Variants in TMEM135 observed in about 807,000 individuals in gnomAD.
TMEM135 encodes transmembrane protein 135, also known as peroxisomal membrane protein 52.
In TMEM135, 30 loss-of-function variants were observed where a neutral mutation model predicts 60.3. The ratio of observed to expected loss-of-function variants is 0.50; its 90% CI spans 0.37 to 0.68. The LOEUF (loss-of-function observed/expected upper bound fraction) is 0.68. TMEM135 is among the 30% of genes least tolerant of loss of function. The pLI, the probability that TMEM135 is intolerant of heterozygous loss-of-function variation, is 0.00. For missense variants in TMEM135, 468 were observed against 548.8 expected (o/e 0.85, Z 1.47); for synonymous variants, 190 against 186.7 (o/e 1.02, Z -0.14).
chr11:87,238,403 CAT>C lies in TMEM135; in HGVS notation c.509+1721_509+1722del, dbSNP rs1432175467. ...ACAGCCAGGCTTTTAGAAGGGGAAA[CAT>C]AGATGACGAGTCAAGGTAGGGAGGA... On this transcript the variant is annotated intron_variant, in intron 6 of 14. Coordinates refer to ENST00000305494, the MANE Select transcript of TMEM135 (RefSeq NM_022918.4). Among the ~76,000 whole-genome samples, 9 of 152,092 alleles carry C rather than the reference CAT, an allele frequency of 5.9e-5. No individual in the cohort carries two copies. The East Asian group carries it at 1.7e-3, about 29-fold the overall frequency.
intron 1 of TMEM135, among the ~76,000 whole-genome samples, chr11:87,054,882 TG>T (rs981478578): frequency 9.9e-5 from 15 of 152,278 alleles, no homozygotes; most frequent in African/African-American, 3.6e-4. Context: ...TGTGTGCCCC[TG>T]GCTGCATTTG....
At chr11:87,232,240 C>G (rs183295945) in intron 5 of TMEM135, among the ~76,000 whole-genome samples, 3 of 151,702 alleles carry the variant, frequency 2.0e-5, no homozygotes, top group African/African-American at 7.3e-5. Flanking sequence ...GATGAGCCAT[C>G]GCGCCTGGCC....
At chr11:87,147,159 T>TA (rs544574324) in intron 4 of TMEM135, among the ~76,000 whole-genome samples, 150 of 152,140 alleles carry the variant, frequency 9.9e-4, no homozygotes, top group Admixed American at 2.7e-3. Flanking sequence ...CCGTCTCTAC[T>TA]AAAAAATGCA....
At chr11:87,227,439 G>C (rs534003848) in intron 5 of TMEM135, among the ~76,000 whole-genome samples, 1 of 151,792 alleles carries the variant, frequency 6.6e-6, no homozygotes, top group African/African-American at 2.4e-5. Context: ...TTCTAGTCTG[G>C]CATTTTTGGC....
intron 12 of TMEM135, among the ~76,000 whole-genome samples, chr11:87,316,075 A>G (rs542251298): frequency 1.2e-3 from 189 of 152,080 alleles, no homozygotes; most frequent in African/African-American, 4.4e-3. Flanking sequence ...AAAGATTTCA[A>G]TCCAGGTGCT....
intron 4 of TMEM135, among the ~76,000 whole-genome samples, chr11:87,117,112 C>T (rs917841609): frequency 2.1e-4 from 32 of 151,976 alleles, no homozygotes; most frequent in African/African-American, 2.9e-4. Context: ...TGAGCCACCG[C>T]GCCCAGCCAA....
intron 1 of TMEM135, among the ~76,000 whole-genome samples, chr11:87,040,737 A>G (rs1416401357): frequency 6.6e-6 from 1 of 151,708 alleles, no homozygotes; most frequent in Non-Finnish European, 1.5e-5. Context: ...TTGACTTTGT[A>G]TATGTTACTT....
At chr11:87,275,650 A>G (rs1193916595) in intron 6 of TMEM135, among the ~76,000 whole-genome samples, 1 of 151,928 alleles carries the variant, frequency 6.6e-6, no homozygotes. Flanking sequence ...GGATTTTATT[A>G]TTTATTATTT....
At chr11:87,089,579 T>C (rs1047061108) in intron 3 of TMEM135, among the ~76,000 whole-genome samples, 2 of 152,046 alleles carry the variant, frequency 1.3e-5, no homozygotes, top group African/African-American at 4.8e-5. Context: ...ATTGTCAGGC[T>C]CTCTCACAGA....
chr11:87,096,762 G>C (rs990738607), intron 4 of TMEM135, among the ~76,000 whole-genome samples: 1 of 152,192 alleles, frequency 6.6e-6, no homozygotes, highest in Non-Finnish European at 1.5e-5. Context: ...GCTAGGCTTT[G>C]ATAAGAGTCA....
Position 87,223,005 on chromosome 11 carries a change from C to T in TMEM135, c.463-13633C>T, listed in dbSNP as rs552231109. ...GACAAAAGCACAGAAAATGAAGTTT[C>T]TTAAGGTTACACAACACAATTGATA... On this transcript the variant is annotated intron_variant, in intron 5 of 14. Coordinates refer to ENST00000305494, the MANE Select transcript of TMEM135 (RefSeq NM_022918.4). Among the ~76,000 whole-genome samples the T allele has an allele frequency of 4.6e-5, 7 of 152,114 alleles. No homozygotes were observed. In the South Asian group the frequency reaches 1.5e-3, roughly 32 times the overall value.
At chr11:87,097,587 G>A (rs142356997) in intron 4 of TMEM135, among the ~76,000 whole-genome samples, 49 of 152,226 alleles carry the variant, frequency 3.2e-4, no homozygotes, top group African/African-American at 1.1e-3. Flanking sequence ...TCTTTTCGAG[G>A]TTTGCAAGAA....
At chr11:87,307,916 T>G (rs1220124516) in intron 9 of TMEM135, among the ~76,000 whole-genome samples, 2 of 152,202 alleles carry the variant, frequency 1.3e-5, no homozygotes, top group Non-Finnish European at 2.9e-5. Context: ...GGCTTTATGT[T>G]TTCTGTCTGA....
intron 2 of TMEM135, among the ~76,000 whole-genome samples, chr11:87,069,284 C>CAA (rs778885228): frequency 0.1 from 6,378 of 62,234 alleles, 486 homozygotes; most frequent in African/African-American, 0.14. Flanking sequence ...GACTCCGTCT[C>CAA]AAAAAAAAAA....
intron 5 of TMEM135, among the ~76,000 whole-genome samples, chr11:87,230,927 T>C (rs918765219): frequency 6.6e-6 from 1 of 152,102 alleles, no homozygotes; most frequent in Non-Finnish European, 1.5e-5. Context: ...ATACCCGTGA[T>C]AGATTTGCTC....
At chr11:87,277,684 G>A (rs1468155569) in intron 6 of TMEM135, among the ~76,000 whole-genome samples, 1 of 151,634 alleles carries the variant, frequency 6.6e-6, no homozygotes, top group East Asian at 1.9e-4. Flanking sequence ...ACCACGCCTG[G>A]CTAATTTTTG....
At chr11:87,212,159 A>G (rs904238935) in intron 5 of TMEM135, among the ~76,000 whole-genome samples, 8 of 152,198 alleles carry the variant, frequency 5.3e-5, no homozygotes, top group African/African-American at 1.9e-4. Context: ...GTTACCAGGT[A>G]GTACAATTAA....
At chr11:87,321,088 G>T in intron 14 of TMEM135, 113 bp from the exon 15 acceptor site, 1 of 920,036 alleles carries the variant, frequency 1.1e-6, no homozygotes, top group Non-Finnish European at 1.6e-6. Flanking sequence ...TAGATCCTTT[G>T]CCACGTTAGC....
At chr11:87,198,707 CTTTTT>C (rs896630135) in intron 5 of TMEM135, among the ~76,000 whole-genome samples, 1 of 146,290 alleles carries the variant, frequency 6.8e-6, no homozygotes. Flanking sequence ...CCTCTCTTTT[CTTTTT>C]TTTTTGCAAT....
Sources: allele counts gnomAD v4.1 joint callset (sites outside exome capture counted in the v4.1 genomes callset), GRCh38; gene constraint gnomAD v4.1.1; transcripts MANE v1.5; gene names NCBI Gene and HGNC (gene_info 2026-07-23, HGNC 2026-07-21).